CPNE9: variants seen among roughly 807,000 people sequenced by gnomAD.
CPNE9 encodes copine-9.
A neutral mutation model predicts 83.0 loss-of-function variants in CPNE9; 59 were observed. That is an observed-to-expected ratio of 0.71 (90% CI 0.58 to 0.88). The LOEUF (loss-of-function observed/expected upper bound fraction) is 0.88. Among genes scored for constraint, CPNE9 ranks in the 40% least tolerant of loss-of-function variants. The pLI, the probability that CPNE9 is intolerant of heterozygous loss-of-function variation, is 0.00. For synonymous variants in CPNE9, 256 were observed against 273.4 expected (o/e 0.94, Z 0.63); for missense variants, 619 against 720.8 (o/e 0.86, Z 1.62).
chr3:9,727,834 T>G (rs1575136365), intron 20 of CPNE9, among the ~76,000 whole-genome samples: 1 of 152,118 alleles, frequency 6.6e-6, no homozygotes, highest in African/African-American at 2.4e-5. Context: ...AAAAGGCAGG[T>G]AGACTCATTA....
At position 9,717,082 on chromosome 3, in the gene CPNE9, C is replaced by T. The variant is rs748678506; in HGVS notation, c.909C>T (p.Ala303=). 5.0e-6 allele frequency: 8 copies of T among 1,614,058 alleles called. No homozygotes were observed. Among genetic ancestry groups the T allele is most frequent in the Non-Finnish European group, 6.8e-6 (8 of 1,180,046 alleles). Residue 303 remains alanine (A), a synonymous_variant, in exon 15 of 21, where the codon GCC becomes GCT. Transcript: ENST00000383832. ...KGGTQLNFTV[A]IDFTASNGNP... ...GGACACAGCTGAACTTCACAGTAGCCATTGACTTCACGGCTTCCAATGGTG... is the reference window on the plus strand; with the variant it reads ...GGACACAGCTGAACTTCACAGTAGCTATTGACTTCACGGCTTCCAATGGTG...
chr3:9,726,089 T>C (rs751245677), intron 18 of CPNE9, 38 bp downstream of exon 18: 36 of 1,292,748 alleles, frequency 2.8e-5, no homozygotes, highest in Non-Finnish European at 3.9e-5. Context: ...GGAGGAGTAA[T>C]GTCAATACTG....
chr3:9,729,385 A>G (rs2076809769), intron 20 of CPNE9, 122 bp from the exon 21 acceptor site: 2 of 1,360,042 alleles, frequency 1.5e-6, no homozygotes, highest in Non-Finnish European at 2.0e-6. Context: ...CAAGATGTGG[A>G]GAGGGAGATA....
At position 9,704,075 on chromosome 3, in the gene CPNE9, C is replaced by T. The variant is rs755191395; in HGVS notation, c.68+11C>T. On this transcript the variant is annotated intron_variant, in intron 1 of 20. Coordinates refer to ENST00000383832, the MANE Select transcript of CPNE9 (RefSeq NM_153635.3). This position sits in a 1 kb window ranked among gnomAD's most constrained non-coding sequence, Gnocchi z 7.1. ...TACCGTGTCCTGCCGGTGAGCGGGC[C>T]GCGCTGGGGAGGGCTTAGGCACTGG... The T allele has an allele frequency of 2.5e-6, 4 of 1,602,574 alleles. No individual in the cohort carries two copies. Among genetic ancestry groups the T allele is most frequent in the Non-Finnish European group, 3.4e-6 (4 of 1,175,738 alleles).
intron 7 of CPNE9, among the ~76,000 whole-genome samples, chr3:9,712,015 C>T (rs1025710622): frequency 5.9e-5 from 9 of 152,172 alleles, no homozygotes; most frequent in South Asian, 4.1e-4. Flanking sequence ...AAGCTCCCTG[C>T]GGGCAGTCTA....
rs1476232735 is a variant in CPNE9, at chr3:9,725,628, A to ATGTATATACATGTATGTGTATATATG, written c.1242-312_1242-287dup. ...TGTATGTGTATACATGTGTATATATATGTATATACATGTATGTGTATATAT... is the reference window on the plus strand; with the variant it reads ...TGTATGTGTATACATGTGTATATATATGTATATACATGTATGTGTATATATGTGTATATACATGTATGTGTATATAT... On this transcript the variant is annotated intron_variant, in intron 17 of 20. Coordinates refer to ENST00000383832, the MANE Select transcript of CPNE9 (RefSeq NM_153635.3). Among the ~76,000 whole-genome samples the ATGTATATACATGTATGTGTATATATG allele has an allele frequency of 1.7e-3, 223 of 129,262 alleles. 2 individuals are homozygous for ATGTATATACATGTATGTGTATATATG. Among genetic ancestry groups the ATGTATATACATGTATGTGTATATATG allele is most frequent in the Admixed American group, 0.01 (128 of 12,460 alleles). The allele number at this position is 129,262 out of a possible 152,430, so 84.8% of individuals were successfully genotyped here.
intron 20 of CPNE9, 23 bp from the exon 21 acceptor site, chr3:9,729,484 C>G: frequency 6.3e-7 from 1 of 1,599,182 alleles, no homozygotes; most frequent in Non-Finnish European, 8.6e-7. Context: ...TGGCTTATCT[C>G]TTCTTGTCTG....
intron 7 of CPNE9, among the ~76,000 whole-genome samples, chr3:9,706,990 G>A (rs1017375065): frequency 6.6e-6 from 1 of 152,204 alleles, no homozygotes; most frequent in Non-Finnish European, 1.5e-5. Context: ...GGAGTCACTG[G>A]AGGGTTCTGA....
intron 17 of CPNE9, among the ~76,000 whole-genome samples, chr3:9,724,244 G>A (rs1347415428): frequency 7.0e-6 from 1 of 142,700 alleles, no homozygotes; most frequent in Non-Finnish European, 1.5e-5. Context: ...AATGACTTCT[G>A]AAGTCCTTTT....
chr3:9,724,751 TCTATCTATCTATCTATCTATCTGA>T (rs2076762698), intron 17 of CPNE9, among the ~76,000 whole-genome samples: 2 of 151,958 alleles, frequency 1.3e-5, no homozygotes, highest in Non-Finnish European at 2.9e-5. Flanking sequence ...TATCTATCTA[TCTATCTATCTATCTATCTATCTGA>T]GACGGAGTCT....
At chr3:9,720,109 C>T (rs1026224523) in intron 17 of CPNE9, among the ~76,000 whole-genome samples, 4 of 151,226 alleles carry the variant, frequency 2.6e-5, no homozygotes, top group African/African-American at 4.9e-5. Context: ...AAACTTAAAA[C>T]GAATTTATGA....
At chr3:9,726,855 A>G (rs2076789274) in intron 19 of CPNE9, 133 bp downstream of exon 19, 1 of 838,012 alleles carries the variant, frequency 1.2e-6, no homozygotes, top group Non-Finnish European at 2.0e-6. Flanking sequence ...CAAGTCACAG[A>G]CCTTCTCTGA....
rs564475342 is a variant in CPNE9, at chr3:9,714,816, G to A, written c.651-98G>A. The A allele has an allele frequency of 3.0e-5, 30 of 992,556 alleles. No homozygotes were observed. The East Asian group carries it at 6.5e-4, about 22-fold the overall frequency. 61.5% of individuals were successfully genotyped at this position (992,556 alleles called of 1,614,324 possible). On this transcript the variant is annotated intron_variant, in intron 10 of 20. Transcript: ENST00000383832. Reference sequence around the variant, plus strand: ...TGAACAACTTAATGGGAAGACAGATGGGTGGATGGGGAGATGATATGTGTG... The same window carrying A: ...TGAACAACTTAATGGGAAGACAGATAGGTGGATGGGGAGATGATATGTGTG...
intron 7 of CPNE9, among the ~76,000 whole-genome samples, chr3:9,708,458 A>G (rs937060849): frequency 6.6e-6 from 1 of 152,258 alleles, no homozygotes; most frequent in Non-Finnish European, 1.5e-5. Flanking sequence ...GGAAGCAAAG[A>G]GAAGGGTTAT....
rs772442478 is a variant in CPNE9 at position 9,704,778 on chromosome 3, A to T, written c.139A>T (p.Ser47Cys). The T allele has an allele frequency of 9.3e-6, 15 of 1,610,980 alleles. No individual in the cohort carries two copies. Among genetic ancestry groups the T allele is most frequent in the Non-Finnish European group, 1.3e-5 (15 of 1,179,238 alleles). ...MVVLYTQSRASQEWREFGRTE... is the reference protein window; with the variant it reads ...MVVLYTQSRACQEWREFGRTE... ...GGTGCTTTACACGCAGAGCCGGGCC[A>T]GCCAGGAGTGGCGGGAGGTGAGTCC... Residue 47 changes from serine (S) to cysteine (C), a missense_variant, in exon 3 of 21, where the codon AGC becomes TGC. This residue lies in a region of CPNE9 where 130 missense variants were observed against 117.5 expected (regional missense o/e 1.11). Transcript: ENST00000383832. This position sits in a 1 kb window ranked among gnomAD's most constrained non-coding sequence, Gnocchi z 7.1.
chr3:9,704,630 A>G lies in CPNE9; in HGVS notation c.109+3A>G. 3.1e-6 allele frequency: 5 copies of G among 1,613,832 alleles called. No individual in the cohort carries two copies. Among genetic ancestry groups the G allele is most frequent in the Non-Finnish European group, 4.2e-6 (5 of 1,179,768 alleles). ...TACCTTCTCCAAGTCCGACCCCAGT[A>G]GGCGGCTCCAGGACCGGGAGGGGGA... On this transcript the variant is annotated splice_donor_region_variant and intron_variant, in intron 2 of 20. Transcript: ENST00000383832. This position sits in a 1 kb window ranked among gnomAD's most constrained non-coding sequence, Gnocchi z 7.1.
At chr3:9,728,744 C>T (rs892292390) in intron 20 of CPNE9, among the ~76,000 whole-genome samples, 1 of 151,820 alleles carries the variant, frequency 6.6e-6, no homozygotes, top group African/African-American at 2.4e-5. Context: ...TCTCCCTTAT[C>T]AGCCCCTCTC....
chr3:9,729,614 T>C lies in CPNE9; in HGVS notation c.1584T>C (p.Tyr528=). 1 of 1,614,090 alleles carries C rather than the reference T, an allele frequency of 6.2e-7. No individual in the cohort carries two copies. Among genetic ancestry groups the C allele is most frequent in the East Asian group, 2.2e-5 (1 of 44,876 alleles). ...LAEIPEQLLS[Y]MRTRDIQPRP... The stretch of plus-strand genomic sequence containing the variant: ...AGATCCCGGAGCAGCTGCTGTCCTA[T>C]ATGCGCACCAGAGACATCCAGCCTC... The change falls in exon 21 of 21, where the codon TAT becomes TAC. Residue 528 remains tyrosine (Y), a synonymous_variant. Transcript: ENST00000383832.
At chr3:9,716,342 G>C (rs1473223194) in intron 14 of CPNE9, among the ~76,000 whole-genome samples, 1 of 152,182 alleles carries the variant, frequency 6.6e-6, no homozygotes, top group African/African-American at 2.4e-5. Flanking sequence ...TCAGGCAAGA[G>C]GGAGAGGTAG....
Sources: gnomAD v4.1 joint callset for allele counts (sites outside exome capture counted in the v4.1 genomes callset) on GRCh38, gnomAD v4.1.1 for gene constraint, gnomAD v4.1.1 regional missense constraint, Gnocchi (gnomAD v3.1) non-coding constraint, MANE v1.5 for transcripts, NCBI Gene and HGNC (gene_info 2026-07-23, HGNC 2026-07-21) for gene names.